Variants in CFAP47 observed in about 807,000 individuals in gnomAD.
CFAP47 encodes cilia- and flagella-associated protein 47.
CFAP47 carries 29 observed loss-of-function variants against 148.1 expected under a neutral mutation model. That is an observed-to-expected ratio of 0.20 (90% CI 0.15 to 0.27). CFAP47 has a LOEUF of 0.27. CFAP47 is among the 10% of genes least tolerant of loss of function. CFAP47 has a pLI of 1.00. For missense variants in CFAP47, 1,872 were observed against 1,697.5 expected (o/e 1.10, Z -1.81); for synonymous variants, 664 against 577.3 (o/e 1.15, Z -2.15).
At chrX:36,156,937 T>C (rs1365796738) in intron 37 of CFAP47, among the ~76,000 whole-genome samples, 3 of 111,628 alleles carry the variant, frequency 2.7e-5, no homozygotes, top group Admixed American at 9.5e-5. Flanking sequence ...GACTTAAGTA[T>C]AGGTTCATAA....
At chrX:36,257,016 G>A (rs2146927062) in intron 49 of CFAP47, among the ~76,000 whole-genome samples, 1 of 112,400 alleles carries the variant, frequency 8.9e-6, no homozygotes, top group Non-Finnish European at 1.9e-5. Context: ...TGTTTTTAAA[G>A]GCTTTTATTT....
chrX:36,204,044 G>A lies in CFAP47; in HGVS notation c.6664-913G>A, dbSNP rs1212021361. ...TCATGTGTTTTTTGGCTGCGTAAAT[G>A]TCTTCTTTTGAGAAGTGTCTGTTCA... On this transcript the variant is annotated intron_variant, in intron 44 of 63. Coordinates refer to ENST00000378653, the MANE Select transcript of CFAP47 (RefSeq NM_001304548.2). Among the ~76,000 whole-genome samples the A allele has an allele frequency of 3.6e-5, 4 of 111,762 alleles. No homozygotes were observed. In the East Asian group the frequency reaches 1.1e-3, roughly 32 times the overall value.
chrX:36,251,213 T>C (rs970248056), intron 48 of CFAP47, 120 bp from the exon 49 acceptor site: 6 of 281,500 alleles, frequency 2.1e-5, no homozygotes, highest in Non-Finnish European at 3.7e-5. Flanking sequence ...TTATTGGGGG[T>C]ATTTAAATTA....
At chrX:36,032,808 G>A (rs1192863532) in intron 23 of CFAP47, among the ~76,000 whole-genome samples, 1 of 111,032 alleles carries the variant, frequency 9.0e-6, no homozygotes, top group Non-Finnish European at 1.9e-5. Context: ...TTATGGTAAA[G>A]GACTCGGAGA....
At position 36,384,914 on chromosome X, in the gene CFAP47, C is replaced by T. The variant is rs1044555438; in HGVS notation, c.9472C>T (p.Arg3158Cys). 18 of 1,163,709 alleles carry T rather than the reference C, an allele frequency of 1.5e-5. No individual in the cohort carries two copies. The highest frequency in any genetic ancestry group is 5.7e-5 in the South Asian group (3 of 52,505). ...CAAGACACATGACAACATGCCAGTC[C>T]GTCCACATAATTTTGTCCGTGAAAA... ...THKTHDNMPVRPHNFVRENTK... is the reference protein window; with the variant it reads ...THKTHDNMPVCPHNFVRENTK... The change falls in exon 64 of 64, where the codon CGT becomes TGT. Residue 3158 changes from arginine (R) to cysteine (C), a missense_variant. Physicochemically the swap from Arg to Cys is radical, Grantham distance 180. Transcript: ENST00000378653.
At chrX:36,086,051 C>G (rs1307290070) in intron 30 of CFAP47, among the ~76,000 whole-genome samples, 2 of 111,629 alleles carry the variant, frequency 1.8e-5, no homozygotes, top group Non-Finnish European at 3.8e-5. Flanking sequence ...AGTATCATCT[C>G]AATTTATGGG....
At chrX:36,037,207 C>T (rs1362519058) in intron 24 of CFAP47, among the ~76,000 whole-genome samples, 1 of 111,958 alleles carries the variant, frequency 8.9e-6, no homozygotes, top group African/African-American at 3.2e-5. Flanking sequence ...CATTTATACT[C>T]AGATAAAATG....
chrX:36,159,035 T>C (rs1939400354), intron 37 of CFAP47, among the ~76,000 whole-genome samples: 1 of 112,207 alleles, frequency 8.9e-6, no homozygotes, highest in Admixed American at 9.5e-5. Flanking sequence ...TTTTCACTAA[T>C]GATTTTATGC....
chrX:36,327,555 T>G (rs1556013292), intron 57 of CFAP47, among the ~76,000 whole-genome samples: 2 of 111,800 alleles, frequency 1.8e-5, no homozygotes, highest in African/African-American at 6.5e-5. Flanking sequence ...GAAAGCTATT[T>G]GGAGATTTCT....
intron 49 of CFAP47, among the ~76,000 whole-genome samples, chrX:36,257,604 T>C (rs901955676): frequency 1.8e-5 from 2 of 109,881 alleles, no homozygotes; most frequent in Non-Finnish European, 3.8e-5. Flanking sequence ...TGAATTTGTT[T>C]AACATATGGA....
chrX:36,188,163 A>G (rs1939827240), intron 40 of CFAP47, among the ~76,000 whole-genome samples: 1 of 111,634 alleles, frequency 9.0e-6, no homozygotes, highest in African/African-American at 3.3e-5. Flanking sequence ...GTCTTCTTAT[A>G]CCTTTCTAAG....
chrX:36,075,354 A>G (rs1937831142), intron 29 of CFAP47, among the ~76,000 whole-genome samples: 1 of 109,598 alleles, frequency 9.1e-6, no homozygotes, highest in Non-Finnish European at 1.9e-5. Flanking sequence ...CAGCCTCCCA[A>G]GTAGCTGAGA....
chrX:36,107,866 C>G (rs768904974), intron 33 of CFAP47, among the ~76,000 whole-genome samples: 4 of 111,470 alleles, frequency 3.6e-5, no homozygotes, highest in African/African-American at 1.3e-4. Context: ...TCTTACGTCT[C>G]TTTTCTTTTC....
chrX:36,092,440 C>T (rs1471825979), intron 30 of CFAP47, among the ~76,000 whole-genome samples: 4 of 110,595 alleles, frequency 3.6e-5, no homozygotes, highest in Non-Finnish European at 7.6e-5. Flanking sequence ...AAAATGATTA[C>T]TGCATTGACT....
rs1465745075 is a variant in CFAP47 at position 35,989,604 on chromosome X, T to C, written c.2844+155T>C. 6.3e-6 allele frequency: 7 copies of C among 1,106,581 alleles called. No homozygotes were observed. The African/African-American group carries it at 1.1e-4, about 18-fold the overall frequency. 91.2% of individuals were successfully genotyped at this position (1,106,581 alleles called of 1,213,427 possible). A position where few individuals can be genotyped will look rare whatever the true frequency, so the allele number is the denominator to read the frequency against. On this transcript the variant is annotated intron_variant, in intron 16 of 63. Coordinates refer to ENST00000378653, the MANE Select transcript of CFAP47 (RefSeq NM_001304548.2). The stretch of plus-strand genomic sequence containing the variant: ...TTTTTTGTTAGAGCCTCTATAAATA[T>C]GTAATATCATCATGGGAGCCATTGA...
intron 26 of CFAP47, among the ~76,000 whole-genome samples, chrX:36,054,897 C>A (rs1317112582): frequency 9.1e-6 from 1 of 109,617 alleles, no homozygotes; most frequent in African/African-American, 3.3e-5. Flanking sequence ...CTCAGCTTCC[C>A]GAGTACCTGG....
chrX:36,182,363 G>A (rs1039124250), intron 40 of CFAP47, among the ~76,000 whole-genome samples: 1 of 111,561 alleles, frequency 9.0e-6, no homozygotes, highest in African/African-American at 3.3e-5. Flanking sequence ...AAAGGAAAAT[G>A]ATTATTGGGG....
chrX:35,959,053 C>G (rs1394900231), intron 8 of CFAP47, among the ~76,000 whole-genome samples: 1 of 112,108 alleles, frequency 8.9e-6, no homozygotes, highest in African/African-American at 3.2e-5. Flanking sequence ...AGATTCTCTG[C>G]TAGAGTTTCC....
At chrX:36,139,927 T>C (rs1313434359) in intron 35 of CFAP47, among the ~76,000 whole-genome samples, 1 of 111,579 alleles carries the variant, frequency 9.0e-6, no homozygotes, top group Non-Finnish European at 1.9e-5. Flanking sequence ...TTTGGTACAA[T>C]TGTAAAGGGA....
Sources: allele counts gnomAD v4.1 joint callset (sites outside exome capture counted in the v4.1 genomes callset), GRCh38; gene constraint gnomAD v4.1.1; transcripts MANE v1.5; gene names NCBI Gene and HGNC (gene_info 2026-07-23, HGNC 2026-07-21).